The following CFAP36 variants were observed in gnomAD, a reference collection of about 807,000 sequenced individuals.
The protein encoded by CFAP36 is cilia and flagella associated protein 36.
A neutral mutation model predicts 50.5 loss-of-function variants in CFAP36; 37 were observed. The ratio of observed to expected loss-of-function variants is 0.73; its 90% CI spans 0.56 to 0.96. CFAP36 has a LOEUF of 0.96. Among genes scored for constraint, CFAP36 ranks in the 50% least tolerant of loss-of-function variants. The pLI, the probability that CFAP36 is intolerant of heterozygous loss-of-function variation, is 0.00. For synonymous variants in CFAP36, 138 were observed against 128.2 expected, an observed-to-expected ratio of 1.08 and a Z score of -0.52; for missense variants, 407 against 396.2, an observed-to-expected ratio of 1.03 and a Z score of -0.23.
rs34891804 is a variant in CFAP36 at position 55,519,819 on chromosome 2, A to G, written c.18A>G (p.Glu6=). The G allele has an allele frequency of 6.2e-7, 1 of 1,614,262 alleles. No individual in the cohort carries two copies. The highest frequency in any genetic ancestry group is 8.5e-7 in the Non-Finnish European group (1 of 1,180,050). The change falls in exon 1 of 10, where the codon GAA becomes GAG. Residue 6 remains glutamate, a synonymous_variant. Coordinates refer to ENST00000349456, the MANE Select transcript of CFAP36 (RefSeq NM_080667.7). The part of the protein sequence containing the change: MAAEE[E]DEVEWVVESI... ...GGGGCGGGATGGCTGCGGAAGAAGAAGACGAGGTGGAGTGGGTAGTGGAGA... is the reference window on the plus strand; with the variant it reads ...GGGGCGGGATGGCTGCGGAAGAAGAGGACGAGGTGGAGTGGGTAGTGGAGA...
At position 55,544,969 on chromosome 2, in the gene CFAP36, G is replaced by A; in HGVS notation, c.990G>A (p.Leu330=). ...EEKQTLLKRR[L]LAEKLKEEVI... ...AGCAAACATTACTAAAGAGGAGATT[G>A]CTTGCAGAGAAACTCAAAGAAGAAG... Residue 330 remains leucine (L), a synonymous_variant, in exon 10 of 10, where the codon TTG becomes TTA. Transcript: ENST00000349456. 6.2e-7 allele frequency: 1 copy of A among 1,604,810 alleles called. No homozygotes were observed. The highest frequency in any genetic ancestry group is 8.5e-7 in the Non-Finnish European group (1 of 1,176,110).
At chr2:55,530,174 C>T (rs1303990177) in intron 4 of CFAP36, among the ~76,000 whole-genome samples, 2 of 152,060 alleles carry the variant, frequency 1.3e-5, no homozygotes, top group African/African-American at 4.8e-5. Flanking sequence ...GTGAATAAGT[C>T]TCATGAGATC....
intron 9 of CFAP36, 68 bp from the exon 10 acceptor site, chr2:55,544,839 A>C: frequency 1.0e-6 from 1 of 992,266 alleles, no homozygotes; most frequent in Non-Finnish European, 1.5e-6. Context: ...CATTTGAGGC[A>C]GTATGTTGGG....
intron 7 of CFAP36, among the ~76,000 whole-genome samples, chr2:55,541,847 G>GTAGA (rs3030733): frequency 0.92 from 139,673 of 151,960 alleles, 64,737 homozygotes; most frequent in Non-Finnish European, 0.94. Flanking sequence ...AGAGTTTTTC[G>GTAGA]TACTCTTTAT....
At chr2:55,542,798 A>T (rs566748198) in intron 7 of CFAP36, among the ~76,000 whole-genome samples, 101 of 151,972 alleles carry the variant, frequency 6.6e-4, no homozygotes, top group African/African-American at 2.3e-3. Context: ...TGCTAACGTC[A>T]CTCTCAGTAA....
At chr2:55,530,975 G>A (rs184271859) in intron 4 of CFAP36, 7 of 152,276 alleles carry the variant, frequency 4.6e-5, no homozygotes. Flanking sequence ...CCCTTACTGG[G>A]GAGTTTCCTC....
At chr2:55,522,207 TA>T in intron 2 of CFAP36, 41 bp downstream of exon 2, 1 of 982,136 alleles carries the variant, frequency 1.0e-6, no homozygotes, top group Non-Finnish European at 1.5e-6. Context: ...GTAATTAGGC[TA>T]ATACTACTTA....
rs372643407 is a variant in CFAP36, at chr2:55,528,868, C to G, written c.283-10C>G. 2 of 1,561,834 alleles carry G rather than the reference C, an allele frequency of 1.3e-6. No homozygotes were observed. The highest frequency in any genetic ancestry group is 2.3e-5 in the East Asian group (1 of 44,066). ...TGAATCTTCATTTCACTTGAGACTT[C>G]TTTCCACAGGCCATTTTGCAACCTG... is the stretch of plus-strand genomic sequence containing the variant. On this transcript the variant is annotated splice_polypyrimidine_tract_variant and intron_variant, in intron 3 of 9. Coordinates refer to ENST00000349456, the MANE Select transcript of CFAP36 (RefSeq NM_080667.7).
chr2:55,533,992 CATT>C (rs1222371340), intron 5 of CFAP36, 32 bp downstream of exon 5: 2 of 1,286,824 alleles, frequency 1.6e-6, no homozygotes, highest in East Asian at 2.4e-5. Flanking sequence ...TTAAATGAAT[CATT>C]ATTAATATTA....
At chr2:55,521,712 C>T (rs1558905855) in intron 1 of CFAP36, among the ~76,000 whole-genome samples, 1 of 151,582 alleles carries the variant, frequency 6.6e-6, no homozygotes, top group Admixed American at 6.6e-5. Context: ...TCACTGCAAC[C>T]TCCGCCTCCT....
At position 55,519,847 on chromosome 2, in the gene CFAP36, A is replaced by G; in HGVS notation, c.46A>G (p.Ile16Val). 6.2e-7 allele frequency: 1 copy of G among 1,614,236 alleles called. No individual in the cohort carries two copies. Residue 16 changes from isoleucine (I) to valine (V), a missense_variant, in exon 1 of 10, where the codon ATC becomes GTC. Transcript: ENST00000349456. ...CGAGGTGGAGTGGGTAGTGGAGAGC[A>G]TCGCGGGGTTCCTGCGAGGCCCAGA... Reference protein sequence around the residue: ...EDEVEWVVESIAGFLRGPDWS... With the variant: ...EDEVEWVVESVAGFLRGPDWS...
chr2:55,544,230 T>G lies in CFAP36; in HGVS notation c.788T>G (p.Val263Gly). Residue 263 changes from valine (V) to glycine (G), a missense_variant, in exon 9 of 10, where the codon GTA (valine) becomes GGA (glycine). Val to Gly is a moderately radical substitution (Grantham distance 109). Coordinates refer to ENST00000349456, the MANE Select transcript of CFAP36 (RefSeq NM_080667.7). ...TCTTACTTGACCCAGAACTTATCAG[T>G]ACTTGGAACAGAAGAACTTCGGCAA... ...SIEGPIANLS[V>G]LGTEELRQRE... The G allele has an allele frequency of 6.2e-7, 1 of 1,612,756 alleles. No homozygotes were observed. Among genetic ancestry groups the G allele is most frequent in the Non-Finnish European group, 8.5e-7 (1 of 1,179,726 alleles).
intron 7 of CFAP36, among the ~76,000 whole-genome samples, chr2:55,542,164 C>A (rs1444763164): frequency 6.6e-6 from 1 of 152,174 alleles, no homozygotes; most frequent in Non-Finnish European, 1.5e-5. Context: ...CTATTTAAAT[C>A]TTGTGTCTAA....
chr2:55,537,447 G>A (rs562361494), intron 6 of CFAP36, 36 bp from the exon 7 acceptor site: 12 of 1,351,598 alleles, frequency 8.9e-6, no homozygotes, highest in Admixed American at 7.8e-5. Context: ...TCTAAATTGT[G>A]TGTTTTTTAA....
chr2:55,544,131 C>G, intron 8 of CFAP36, 57 bp downstream of exon 8: 2 of 1,609,004 alleles, frequency 1.2e-6, no homozygotes, highest in South Asian at 2.2e-5. Flanking sequence ...ACTGGGAAAT[C>G]AAACTTCGAA....
chr2:55,537,428 T>TA (rs1684516649), intron 6 of CFAP36, 55 bp from the exon 7 acceptor site: 4 of 1,239,838 alleles, frequency 3.2e-6, no homozygotes, highest in Non-Finnish European at 4.6e-6. Context: ...GTGAATTAGT[T>TA]AAAATGAATC....
intron 4 of CFAP36, among the ~76,000 whole-genome samples, chr2:55,533,140 T>G (rs921745527): frequency 3.3e-5 from 5 of 152,224 alleles, no homozygotes; most frequent in African/African-American, 9.6e-5. Flanking sequence ...GCTATTTCAA[T>G]TAGCAAAATT....
At chr2:55,531,114 T>C (rs1684341557) in intron 4 of CFAP36, 1 of 152,204 alleles carries the variant, frequency 6.6e-6, no homozygotes, top group Non-Finnish European at 1.5e-5. Context: ...AACACCACCC[T>C]AACCCTGAAG....
rs56081740 is a variant in CFAP36, at chr2:55,527,582, A to AAAATAAAT, written c.283-1276_283-1269dup. On this transcript the variant is annotated intron_variant, in intron 3 of 9. Coordinates refer to ENST00000349456, the MANE Select transcript of CFAP36 (RefSeq NM_080667.7). The stretch of plus-strand genomic sequence containing the variant: ...GGGTGACAGAACAAGACTGCATTTC[A>AAAATAAAT]AAATAAATAAATAAATAAATAAATA... Among the ~76,000 whole-genome samples, 456 of 151,674 alleles carry AAAATAAAT rather than the reference A, an allele frequency of 3.0e-3. 6 individuals are homozygous for AAAATAAAT. The highest frequency in any genetic ancestry group is 0.026 in the Admixed American group (396 of 15,184).
Sources: gnomAD v4.1 joint callset for allele counts (sites outside exome capture counted in the v4.1 genomes callset) on GRCh38, gnomAD v4.1.1 for gene constraint, MANE v1.5 for transcripts, NCBI Gene and HGNC (gene_info 2026-07-23, HGNC 2026-07-21) for gene names.